USP6NL: variants seen among roughly 807,000 people sequenced by gnomAD.
The protein encoded by USP6NL is USP6 N-terminal-like protein.
A neutral mutation model predicts 61.9 loss-of-function variants in USP6NL; 26 were observed. That is an observed-to-expected ratio of 0.42 (90% CI 0.31 to 0.58). USP6NL has a LOEUF of 0.58. Among genes scored for constraint, USP6NL ranks in the 20% least tolerant of loss-of-function variants. The pLI is 0.16. For missense variants in USP6NL, 1,114 were observed against 1,034.3 expected, an observed-to-expected ratio of 1.08 and a Z score of -1.06; for synonymous variants, 432 against 390.1, an observed-to-expected ratio of 1.11 and a Z score of -1.27.
Position 11,585,569 on chromosome 10 carries a change from C to T in USP6NL, c.4+12062G>A, listed in dbSNP as rs28525221. 0.013 allele frequency among the ~76,000 whole-genome samples: 2,003 copies of T among 151,964 alleles called. 45 individuals are homozygous for T. The highest frequency in any genetic ancestry group is 0.046 in the African/African-American group (1,901 of 41,446). ...CCCAGCTACTCGGGAGGCTGAGGAACGGGAATGGCGCGAACCCGGGATGCG... is the reference window on the plus strand; with the variant it reads ...CCCAGCTACTCGGGAGGCTGAGGAATGGGAATGGCGCGAACCCGGGATGCG... On this transcript the variant is annotated intron_variant, in intron 2 of 14. Coordinates refer to ENST00000609104, the MANE Select transcript of USP6NL (RefSeq NM_014688.5). This position sits in a 1 kb window ranked among gnomAD's most constrained non-coding sequence, Gnocchi z 4.5.
chr10:11,490,871 G>C lies in USP6NL; in HGVS notation c.504C>G (p.Ser168=). 1 of 1,539,642 alleles carries C rather than the reference G, an allele frequency of 6.5e-7. No individual in the cohort carries two copies. Among genetic ancestry groups the C allele is most frequent in the Non-Finnish European group, 8.7e-7 (1 of 1,144,814 alleles). Residue 168 remains serine, a synonymous_variant, in exon 9 of 15, where the codon TCC becomes TCG. Transcript: ENST00000609104. This position sits in a 1 kb window ranked among gnomAD's most constrained non-coding sequence, Gnocchi z 4.5. ...AATAGGCAGCAAGCACATGGAATAA[G>C]GATTGTTGCCTAGAGAAAAAAATTT... The part of the protein sequence containing the change: ...FRDRYGVKQQ[S]LFHVLAAYSI...
intron 2 of USP6NL, among the ~76,000 whole-genome samples, chr10:11,569,373 G>T (rs1837279364): frequency 2.0e-5 from 3 of 152,098 alleles, no homozygotes; most frequent in Non-Finnish European, 2.9e-5. Context: ...AAAAAAACAG[G>T]ATGGAAGTAG....
At chr10:11,552,517 C>A (rs567325613) in intron 2 of USP6NL, among the ~76,000 whole-genome samples, 1 of 152,188 alleles carries the variant, frequency 6.6e-6, no homozygotes, top group Non-Finnish European at 1.5e-5. Context: ...ATCCTGCCTA[C>A]GGATAGGGGT....
At chr10:11,475,232 A>T (rs1201472433) in intron 14 of USP6NL, among the ~76,000 whole-genome samples, 1 of 152,092 alleles carries the variant, frequency 6.6e-6, no homozygotes, top group Non-Finnish European at 1.5e-5. Flanking sequence ...TAAGGTAACC[A>T]AAGAGTTACA....
Position 11,562,677 on chromosome 10 carries a change from C to A in USP6NL, c.4+34954G>T. On this transcript the variant is annotated intron_variant, in intron 2 of 14. Coordinates refer to ENST00000609104, the MANE Select transcript of USP6NL (RefSeq NM_014688.5). This position sits in a 1 kb window ranked among gnomAD's most constrained non-coding sequence, Gnocchi z 4.8. ...CTCAACATTCATATGTTGTTAGCCACTTGTATTTCTGTAACTTGTCTATTT... is the reference window on the plus strand; with the variant it reads ...CTCAACATTCATATGTTGTTAGCCAATTGTATTTCTGTAACTTGTCTATTT... 1.0e-6 allele frequency: 1 copy of A among 985,448 alleles called. No homozygotes were observed. The highest frequency in any genetic ancestry group is 1.2e-6 in the Non-Finnish European group (1 of 829,946). 61.0% of individuals were successfully genotyped at this position (985,448 alleles called of 1,614,324 possible). A position where few individuals can be genotyped will look rare whatever the true frequency, so the allele number is the denominator to read the frequency against.
intron 1 of USP6NL, among the ~76,000 whole-genome samples, chr10:11,610,918 G>C (rs932740851): frequency 6.6e-6 from 1 of 152,052 alleles, no homozygotes; most frequent in East Asian, 1.9e-4. Flanking sequence ...CTAGGGTTGT[G>C]AGCGCCAAAC....
In USP6NL at chr10:11,462,270, A is replaced by C. The variant is rs2096217299; in HGVS notation, c.*171T>G. On this transcript the variant is annotated 3_prime_UTR_variant, in exon 15 of 15. Transcript: ENST00000609104. The stretch of plus-strand genomic sequence containing the variant: ...ATGATGCAATTGAAACGCTCATCTT[A>C]AGCAGCATCTACGTGGGGCTGAAGA... 1.3e-6 allele frequency: 1 copy of C among 775,064 alleles called. No homozygotes were observed. The highest frequency in any genetic ancestry group is 1.8e-5 in the African/African-American group (1 of 56,988). The allele number at this position is 775,064 out of a possible 1,614,324, so 48.0% of individuals were successfully genotyped here. A position where few individuals can be genotyped will look rare whatever the true frequency, so the allele number is the denominator to read the frequency against.
At chr10:11,536,700 ACAATCCAATCCTATACTTCCCCGCGGTC>A (rs1362171454) in intron 2 of USP6NL, among the ~76,000 whole-genome samples, 2 of 152,174 alleles carry the variant, frequency 1.3e-5, no homozygotes, top group Non-Finnish European at 2.9e-5. Flanking sequence ...TTTAAGGTTG[ACAATCCAATCCTATACTTCCCCGCGGTC>A]CAACCCAATC....
At chr10:11,560,232 G>A (rs1006059201) in intron 2 of USP6NL, among the ~76,000 whole-genome samples, 1 of 152,044 alleles carries the variant, frequency 6.6e-6, no homozygotes, top group African/African-American at 2.4e-5. Context: ...TCCACTTAAT[G>A]TTCACAGCAA....
At chr10:11,488,295 G>C (rs1376842752) in intron 10 of USP6NL, among the ~76,000 whole-genome samples, 1 of 152,098 alleles carries the variant, frequency 6.6e-6, no homozygotes, top group African/African-American at 2.4e-5. Context: ...TGCCTGTGTG[G>C]TTCCGGATAC....
At chr10:11,492,298 A>C (rs1268722860) in intron 8 of USP6NL, among the ~76,000 whole-genome samples, 6 of 152,246 alleles carry the variant, frequency 3.9e-5, no homozygotes, top group African/African-American at 1.2e-4. Flanking sequence ...CAACTTGGCT[A>C]AACAACAATC....
intron 2 of USP6NL, among the ~76,000 whole-genome samples, chr10:11,544,563 C>T (rs1283234570): frequency 1.3e-5 from 2 of 152,156 alleles, no homozygotes; most frequent in East Asian, 3.8e-4. Flanking sequence ...TCTCGGCTCA[C>T]TGCAACCTCA....
chr10:11,475,999 G>A (rs917306460), intron 14 of USP6NL, among the ~76,000 whole-genome samples: 1 of 152,100 alleles, frequency 6.6e-6, no homozygotes, highest in African/African-American at 2.4e-5. Context: ...TCCTGAGTGT[G>A]CGACATTCCA....
intron 6 of USP6NL, among the ~76,000 whole-genome samples, chr10:11,503,797 C>T (rs1437573394): frequency 6.6e-6 from 1 of 152,136 alleles, no homozygotes; most frequent in Non-Finnish European, 1.5e-5. Flanking sequence ...ATTATACCAA[C>T]AACTCAATTT....
intron 1 of USP6NL, among the ~76,000 whole-genome samples, chr10:11,599,172 A>G (rs1451203078): frequency 6.6e-6 from 1 of 152,248 alleles, no homozygotes; most frequent in East Asian, 1.9e-4. Context: ...CTGAGGTAGG[A>G]CATGTGGACC....
At chr10:11,568,223 G>C (rs1335232616) in intron 2 of USP6NL, among the ~76,000 whole-genome samples, 1 of 152,020 alleles carries the variant, frequency 6.6e-6, no homozygotes, top group Non-Finnish European at 1.5e-5. Context: ...GAGGCATTAT[G>C]AATTGACACT....
rs530612484 is a variant in USP6NL, at chr10:11,534,447, G to A, written c.5-6880C>T. On this transcript the variant is annotated intron_variant, in intron 2 of 14. Transcript: ENST00000609104. The stretch of plus-strand genomic sequence containing the variant: ...TTAGACATTTCCAAATGCCAACTGC[G>A]TAGCTGCATAGAGAGCAACCTGTCT... Among the ~76,000 whole-genome samples the A allele has an allele frequency of 5.3e-5, 8 of 152,316 alleles. No homozygotes were observed. The Middle Eastern group carries it at 0.01, about 194-fold the overall frequency.
intron 2 of USP6NL, among the ~76,000 whole-genome samples, chr10:11,541,869 C>T (rs1263901117): frequency 6.6e-6 from 1 of 152,136 alleles, no homozygotes; most frequent in Non-Finnish European, 1.5e-5. Flanking sequence ...GACACTGACA[C>T]TATAAGTTAG....
chr10:11,503,329 A>G (rs1834292104), intron 6 of USP6NL, among the ~76,000 whole-genome samples: 1 of 152,190 alleles, frequency 6.6e-6, no homozygotes, highest in Non-Finnish European at 1.5e-5. Flanking sequence ...AAGTCTTCAG[A>G]TATTATTTTG....
Sources: gnomAD v4.1 joint callset for allele counts (sites outside exome capture counted in the v4.1 genomes callset) on GRCh38, gnomAD v4.1.1 for gene constraint, Gnocchi (gnomAD v3.1) non-coding constraint, MANE v1.5 for transcripts, NCBI Gene and HGNC (gene_info 2026-07-23, HGNC 2026-07-21) for gene names.